CD99: variants seen among roughly 807,000 people sequenced by gnomAD.
The protein encoded by CD99 is CD99 molecule (Xg blood group).
A neutral mutation model predicts 28.4 loss-of-function variants in CD99; 19 were observed. The observed-to-expected ratio is 0.67, with a 90% CI of 0.47 to 0.98. The LOEUF is 0.98. Among genes scored for constraint, CD99 ranks in the 50% least tolerant of loss-of-function variants. CD99 has a pLI of 0.00. For synonymous variants in CD99, 103 were observed against 92.1 expected (o/e 1.12, Z -0.67); for missense variants, 283 against 248.8 (o/e 1.14, Z -0.92).
chrX:2,713,994 G>A (rs960099157), intron 1 of CD99, among the ~76,000 whole-genome samples: 3 of 152,164 alleles, frequency 2.0e-5, no homozygotes, highest in African/African-American at 7.2e-5. Context: ...CATAATGCAC[G>A]TGTCTTTCTG....
intron 9 of CD99, among the ~76,000 whole-genome samples, chrX:2,740,484 C>CA (rs2124347307): frequency 6.6e-6 from 1 of 152,086 alleles, no homozygotes; most frequent in East Asian, 1.9e-4. Flanking sequence ...TTTATTCTTC[C>CA]ATTTGGTAAG....
chrX:2,709,697 AACATAGACACACACATGCATGT>A (rs1360542078), intron 1 of CD99, among the ~76,000 whole-genome samples: 5 of 151,812 alleles, frequency 3.3e-5, no homozygotes, highest in African/African-American at 9.7e-5. Context: ...CACATGCATG[AACATAGACACACACATGCATGT>A]ACATAGACAC....
At chrX:2,710,866 A>AATT (rs2048364906) in intron 1 of CD99, among the ~76,000 whole-genome samples, 2 of 101,034 alleles carry the variant, frequency 2.0e-5, no homozygotes, top group African/African-American at 7.8e-5. Flanking sequence ...TGTAGAGATG[A>AATT]CTTTTTTTTT....
chrX:2,717,476 T>G, intron 2 of CD99, 129 bp from the exon 3 acceptor site: 1 of 749,398 alleles, frequency 1.3e-6, no homozygotes, highest in Non-Finnish European at 2.3e-6. Context: ...TGTGGGCAGG[T>G]GAGAAAAAAC....
chrX:2,709,822 A>G (rs1251035804), intron 1 of CD99, among the ~76,000 whole-genome samples: 2 of 152,078 alleles, frequency 1.3e-5, no homozygotes, highest in African/African-American at 4.8e-5. Flanking sequence ...GCACATGAAG[A>G]GCTGTTGAAT....
chrX:2,705,064 T>C lies in CD99; in HGVS notation c.68-9358T>C, dbSNP rs1569429401. Among the ~76,000 whole-genome samples, 4 of 152,350 alleles carry C rather than the reference T, an allele frequency of 2.6e-5. No homozygotes were observed. The East Asian group carries it at 7.7e-4, about 29-fold the overall frequency. ...GAAGACAGAGAGACGAGTTTAACTA[T>C]TGCTACAGACATGAAGCCCTTCCCT... On this transcript the variant is annotated intron_variant, in intron 1 of 9. Transcript: ENST00000381192.
chrX:2,726,447 A>T (rs1419792469), intron 8 of CD99, 74 bp downstream of exon 8: 2 of 980,328 alleles, frequency 2.0e-6, no homozygotes, highest in Admixed American at 3.5e-5. Context: ...TAAAAGGCAG[A>T]AACCAAACTC....
At chrX:2,722,769 C>G in intron 6 of CD99, 95 bp downstream of exon 6, 5 of 1,225,462 alleles carry the variant, frequency 4.1e-6, no homozygotes, top group Non-Finnish European at 6.1e-6. Flanking sequence ...TGTCAGCTCT[C>G]TGTGAACTCA....
At chrX:2,737,962 A>C (rs749553498) in intron 8 of CD99, 46 of 708,968 alleles carry the variant, frequency 6.5e-5, no homozygotes, top group Admixed American at 2.0e-5. Context: ...AGCTGCTTGG[A>C]TTACCCTGTT....
intron 2 of CD99, among the ~76,000 whole-genome samples, chrX:2,716,493 CA>C (rs2124004960): frequency 6.6e-6 from 1 of 152,186 alleles, no homozygotes; most frequent in South Asian, 2.1e-4. Flanking sequence ...TGTGCCACCT[CA>C]CCTGGTACAG....
At chrX:2,709,457 T>C (rs1459340959) in intron 1 of CD99, among the ~76,000 whole-genome samples, 1 of 152,240 alleles carries the variant, frequency 6.6e-6, no homozygotes, top group Non-Finnish European at 1.5e-5. Flanking sequence ...TGCAGTGCAC[T>C]TGTGCACATA....
At position 2,694,613 on chromosome X, in the gene CD99, C is replaced by T. The variant is rs370699368; in HGVS notation, c.67+3186C>T. 2.8e-3 allele frequency among the ~76,000 whole-genome samples: 424 copies of T among 152,056 alleles called. 3 individuals carry two copies. The highest frequency in any genetic ancestry group is 8.6e-3 in the African/African-American group (357 of 41,482). ...ACTAAAAATACAAAAATTAGCCGGG[C>T]GTGGTGGTGAGCGCCTATAATCCCA... On this transcript the variant is annotated intron_variant, in intron 1 of 9. Transcript: ENST00000381192.
At chrX:2,702,229 C>G (rs1303021615) in intron 1 of CD99, among the ~76,000 whole-genome samples, 1 of 152,110 alleles carries the variant, frequency 6.6e-6, no homozygotes, top group Non-Finnish European at 1.5e-5. Context: ...GGTGAATAGA[C>G]ATTTTCCAGG....
chrX:2,704,363 G>A (rs2048023027), intron 1 of CD99, among the ~76,000 whole-genome samples: 1 of 152,060 alleles, frequency 6.6e-6, no homozygotes, highest in African/African-American at 2.4e-5. Flanking sequence ...ATGTTACCTT[G>A]TACCTTAGGC....
intron 1 of CD99, among the ~76,000 whole-genome samples, chrX:2,706,801 C>A (rs1480356494): frequency 6.6e-6 from 1 of 151,970 alleles, no homozygotes; most frequent in Non-Finnish European, 1.5e-5. Flanking sequence ...AATCTTGGAA[C>A]TGCCTAATTT....
chrX:2,731,258 T>A (rs1196273251), intron 8 of CD99, among the ~76,000 whole-genome samples: 1 of 152,166 alleles, frequency 6.6e-6, no homozygotes, highest in African/African-American at 2.4e-5. Flanking sequence ...CTTGGAGATT[T>A]CATAAGAAGG....
At chrX:2,725,775 G>A (rs1230700606) in intron 7 of CD99, among the ~76,000 whole-genome samples, 2 of 152,040 alleles carry the variant, frequency 1.3e-5, no homozygotes, top group African/African-American at 2.4e-5. Flanking sequence ...CCTTACTCCC[G>A]GCTAATTTTT....
chrX:2,731,921 C>G (rs1022474850), intron 8 of CD99, among the ~76,000 whole-genome samples: 2 of 151,408 alleles, frequency 1.3e-5, no homozygotes, highest in African/African-American at 4.9e-5. Flanking sequence ...GCGGTTTATG[C>G]CATTAAAAGT....
rs756714517 is a variant in CD99, at chrX:2,730,758, G to A, written c.475+4385G>A. On this transcript the variant is annotated intron_variant, in intron 8 of 9. Transcript: ENST00000381192. ...GAGAAGCAAGAGATGGTGAAACCCC[G>A]TCTCTACTAAAAATACAAGAATTAG... Among the ~76,000 whole-genome samples, 10 of 151,870 alleles carry A rather than the reference G, an allele frequency of 6.6e-5. No homozygotes were observed. In the East Asian group the frequency reaches 7.8e-4, roughly 12 times the overall value.
Sources: gnomAD v4.1 joint callset for allele counts (sites outside exome capture counted in the v4.1 genomes callset) on GRCh38, gnomAD v4.1.1 for gene constraint, MANE v1.5 for transcripts, NCBI Gene and HGNC (gene_info 2026-07-23, HGNC 2026-07-21) for gene names.